CLASP2: variants seen among roughly 807,000 people sequenced by gnomAD.
The protein encoded by CLASP2 is CLIP-associating protein 2.
CLASP2 carries 47 observed loss-of-function variants against 194.4 expected under a neutral mutation model. That is an observed-to-expected ratio of 0.24 (90% CI 0.19 to 0.31). CLASP2 has a LOEUF of 0.31. Ranked by LOEUF, CLASP2 falls within the 10% of genes least tolerant of loss-of-function variation. The probability of loss-of-function intolerance (pLI) is 1.00; values close to 1 mark genes in which losing one functional copy is unlikely to be tolerated. For synonymous variants in CLASP2, 619 were observed against 633.5 expected (o/e 0.98, Z 0.34); for missense variants, 1,445 against 1,823.6 (o/e 0.79, Z 3.78).
At chr3:33,664,606 A>G (rs1024987925) in intron 6 of CLASP2, among the ~76,000 whole-genome samples, 1 of 152,190 alleles carries the variant, frequency 6.6e-6, no homozygotes, top group Non-Finnish European at 1.5e-5. Flanking sequence ...AGGATTTCTA[A>G]ACCTTAACAT....
intron 8 of CLASP2, among the ~76,000 whole-genome samples, chr3:33,639,912 C>G (rs2080972820): frequency 6.6e-6 from 1 of 152,218 alleles, no homozygotes; most frequent in African/African-American, 2.4e-5. Flanking sequence ...GGGTCAAGCA[C>G]TGAGTTCTCG....
chr3:33,606,600 T>C lies in CLASP2; in HGVS notation c.1685A>G (p.Glu562Gly). 1 of 1,612,920 alleles carries C rather than the reference T, an allele frequency of 6.2e-7. No homozygotes were observed. The highest frequency in any genetic ancestry group is 8.5e-7 in the Non-Finnish European group (1 of 1,179,454). Residue 562 changes from glutamate (E) to glycine (G), a missense_variant, in exon 16 of 39, where the codon GAA becomes GGA. Glu to Gly is a moderately conservative substitution (Grantham distance 98). Transcript: ENST00000682230. ...ATTTATATGACCTTACTTGAGACTT[T>C]CCTGTGAGCTGGATGAGGACCTGTC... ...QSDRSSSSSQ[E>G]SLNRPFSSKW...
At chr3:33,630,429 C>T (rs535375476) in intron 9 of CLASP2, among the ~76,000 whole-genome samples, 1 of 152,120 alleles carries the variant, frequency 6.6e-6, no homozygotes, top group East Asian at 1.9e-4. Context: ...GGAGCATGAA[C>T]CTCATATAAA....
rs564082225 is a variant in CLASP2 at position 33,693,922 on chromosome 3, A to C, written c.274+2933T>G. 6.6e-5 allele frequency among the ~76,000 whole-genome samples: 10 copies of C among 152,236 alleles called. No individual in the cohort carries two copies. The South Asian group carries it at 2.1e-3, about 32-fold the overall frequency. ...AGTTGCACAAATACAAATGAAAAAC[A>C]CTAACCAACAAAAGTAAGTTAATGT... On this transcript the variant is annotated intron_variant, in intron 2 of 38. Coordinates refer to ENST00000682230, the MANE Select transcript of CLASP2 (RefSeq NM_001365631.1).
intron 6 of CLASP2, among the ~76,000 whole-genome samples, chr3:33,668,035 C>T (rs771980028): frequency 6.6e-6 from 1 of 152,012 alleles, no homozygotes; most frequent in Non-Finnish European, 1.5e-5. Flanking sequence ...CTGGCCAACA[C>T]AGTGAAACCC....
chr3:33,658,839 A>G (rs2084773996), intron 7 of CLASP2: 1 of 745,686 alleles, frequency 1.3e-6, no homozygotes. Flanking sequence ...TGTACACACA[A>G]GTGTACACAC....
rs779514619 is a variant in CLASP2 at position 33,531,763 on chromosome 3, G to A, written c.3787+3470C>T. ...GCACTCCAGCCTAGACGACAAGAGC[G>A]AAACTCTGTCTCAAAACAAAAACAA... On this transcript the variant is annotated intron_variant, in intron 34 of 38. Transcript: ENST00000682230. Among the ~76,000 whole-genome samples, 23 of 151,910 alleles carry A rather than the reference G, an allele frequency of 1.5e-4. 1 individual carries two copies. Among genetic ancestry groups the A allele is most frequent in the Admixed American group, 2.0e-4 (3 of 15,258 alleles).
chr3:33,497,693 G>A lies in CLASP2; in HGVS notation c.*938C>T, dbSNP rs1320990474. On this transcript the variant is annotated 3_prime_UTR_variant, in exon 39 of 39. Transcript: ENST00000682230. ...AAGAAAAGGTGCTGGTCACTCCCAT[G>A]TCTCGATAATTTGTTTATTACGTGA... 6.6e-6 allele frequency: 1 copy of A among 152,558 alleles called. No homozygotes were observed. Among genetic ancestry groups the A allele is most frequent in the East Asian group, 1.9e-4 (1 of 5,198 alleles). The allele number at this position is 152,558 out of a possible 1,614,324, so 9.5% of individuals were successfully genotyped here.
intron 8 of CLASP2, among the ~76,000 whole-genome samples, chr3:33,632,626 G>A (rs1164634292): frequency 6.6e-6 from 1 of 152,060 alleles, no homozygotes; most frequent in Admixed American, 6.6e-5. Context: ...CCTGAAACCC[G>A]CCTCCCTATT....
chr3:33,681,301 AG>A (rs1368403380), intron 6 of CLASP2, among the ~76,000 whole-genome samples: 19 of 152,196 alleles, frequency 1.2e-4, no homozygotes, highest in Non-Finnish European at 2.6e-4. Context: ...GAAAATGAAT[AG>A]ATGATCAAGT....
At chr3:33,673,113 G>A (rs1164558684) in intron 6 of CLASP2, among the ~76,000 whole-genome samples, 3 of 152,140 alleles carry the variant, frequency 2.0e-5, no homozygotes, top group African/African-American at 7.2e-5. Context: ...TACTCCTCGT[G>A]AAAAGCAACT....
intron 34 of CLASP2, among the ~76,000 whole-genome samples, chr3:33,532,173 T>C (rs1469366840): frequency 1.3e-5 from 2 of 152,196 alleles, no homozygotes; most frequent in Non-Finnish European, 2.9e-5. Context: ...ATACACACAA[T>C]GGAGTATTAT....
intron 30 of CLASP2, among the ~76,000 whole-genome samples, chr3:33,547,421 C>T (rs1417984099): frequency 2.0e-5 from 3 of 152,186 alleles, no homozygotes; most frequent in Admixed American, 2.0e-4. Context: ...TCAATTAAAC[C>T]TTTATTTTGT....
chr3:33,604,130 A>G (rs1318623793), intron 17 of CLASP2, 24 bp downstream of exon 17: 1 of 1,512,772 alleles, frequency 6.6e-7, no homozygotes, highest in Middle Eastern at 1.8e-4. Flanking sequence ...ATAGGTTATA[A>G]CTCTTATTTA....
intron 21 of CLASP2, among the ~76,000 whole-genome samples, chr3:33,589,282 T>C (rs1204932377): frequency 2.6e-5 from 4 of 152,108 alleles, no homozygotes; most frequent in East Asian, 3.8e-4. Flanking sequence ...GTCATAAATA[T>C]AGATCTAGTG....
At chr3:33,587,383 C>G (rs902487318) in intron 21 of CLASP2, among the ~76,000 whole-genome samples, 11 of 152,280 alleles carry the variant, frequency 7.2e-5, no homozygotes, top group African/African-American at 2.6e-4. Context: ...CTCGGCCTCC[C>G]AAAGTGCTGG....
intron 17 of CLASP2, 145 bp downstream of exon 17, chr3:33,604,009 T>C: frequency 1.6e-6 from 1 of 618,722 alleles, no homozygotes; most frequent in Non-Finnish European, 2.9e-6. Context: ...TGTATACACG[T>C]ATACATATAC....
intron 25 of CLASP2, among the ~76,000 whole-genome samples, 180 bp downstream of exon 25, chr3:33,572,930 T>TA (rs1161186275): frequency 6.6e-6 from 1 of 150,900 alleles, no homozygotes; most frequent in African/African-American, 2.4e-5. Flanking sequence ...TTTTTTTTTT[T>TA]AGTAATGAAA....
In CLASP2 at chr3:33,689,944, G is replaced by A. The variant is rs1490173996; in HGVS notation, c.275-12C>T. 2 of 1,535,744 alleles carry A rather than the reference G, an allele frequency of 1.3e-6. No homozygotes were observed. Among genetic ancestry groups the A allele is most frequent in the South Asian group, 2.5e-5 (2 of 80,452 alleles). On this transcript the variant is annotated splice_polypyrimidine_tract_variant and intron_variant, in intron 2 of 38. Coordinates refer to ENST00000682230, the MANE Select transcript of CLASP2 (RefSeq NM_001365631.1). ...TAAAGCTACAATAACTAAAGAAGGG[G>A]AGGGAGTAAAAGAGTAATTACTTAT...
Sources: gnomAD v4.1 joint callset for allele counts (sites outside exome capture counted in the v4.1 genomes callset) on GRCh38, gnomAD v4.1.1 for gene constraint, MANE v1.5 for transcripts, NCBI Gene and HGNC (gene_info 2026-07-23, HGNC 2026-07-21) for gene names.